The following MTMR8 variants were observed in gnomAD, a reference collection of about 807,000 sequenced individuals.
The protein encoded by MTMR8 is phosphatidylinositol-3,5-bisphosphate 3-phosphatase MTMR8.
In MTMR8, 65 loss-of-function variants were observed where a neutral mutation model predicts 39.3. The observed-to-expected ratio is 1.65, with a 90% CI of 1.35 to 2.03. The LOEUF (loss-of-function observed/expected upper bound fraction) is 2.03. MTMR8 is among the 30% of genes most tolerant of loss of function. The probability of loss-of-function intolerance (pLI) is 0.00; values close to 1 mark genes in which losing one functional copy is unlikely to be tolerated. For missense variants in MTMR8, 777 were observed against 538.9 expected (o/e 1.44, Z -4.37); for synonymous variants, 245 against 185.2 (o/e 1.32, Z -2.62).
chrX:64,356,087 C>G (rs181984370), intron 3 of MTMR8, 89 bp downstream of exon 3: 1 of 950,988 alleles, frequency 1.1e-6, no homozygotes, highest in African/African-American at 2.0e-5. Flanking sequence ...GATCCAAACC[C>G]TCCTCTGACT....
intron 8 of MTMR8, among the ~76,000 whole-genome samples, chrX:64,341,124 G>C (rs1923203403): frequency 8.9e-6 from 1 of 112,238 alleles, no homozygotes; most frequent in South Asian, 3.7e-4. Flanking sequence ...GAATGACGTA[G>C]TACTGACTGA....
chrX:64,364,842 G>T (rs180820825), intron 1 of MTMR8, among the ~76,000 whole-genome samples: 2 of 111,339 alleles, frequency 1.8e-5, no homozygotes, highest in Non-Finnish European at 1.9e-5. Context: ...CGAACCCATC[G>T]CAAGAAAGCT....
chrX:64,274,390 T>C (rs954722058), intron 12 of MTMR8, among the ~76,000 whole-genome samples: 19 of 111,798 alleles, frequency 1.7e-4, no homozygotes, highest in African/African-American at 5.8e-4. Flanking sequence ...AAAAGGGAAA[T>C]TGGAAAGTAT....
intron 1 of MTMR8, chrX:64,360,259 C>T (rs1923744035): frequency 6.1e-6 from 1 of 163,492 alleles, no homozygotes; most frequent in Non-Finnish European, 1.2e-5. Context: ...ATATAGCCAT[C>T]ATAAATATAA....
rs386352332 is a variant in MTMR8 at position 64,271,062 on chromosome X, C to A, written c.1493G>T (p.Gly498Val). Residue 498 changes from glycine (G) to valine (V), a missense_variant, in exon 13 of 14, where the codon GGG becomes GTG. By Grantham distance (109) the Gly-to-Val change is moderately radical. Transcript: ENST00000374852. ...TVPYNIQFWC[G>V]MYNRFDKGLQ... ...CCCTTTGTCAAAGCGGTTATACATC[C>A]CACACCAGAACCTCAAATAGACAAA... The A allele has an allele frequency of 2.5e-6, 3 of 1,195,937 alleles. No homozygotes were observed. In the Admixed American group the frequency reaches 6.9e-5, roughly 28 times the overall value.
At chrX:64,365,563 G>A (rs1923924265) in intron 1 of MTMR8, among the ~76,000 whole-genome samples, 1 of 111,845 alleles carries the variant, frequency 8.9e-6, no homozygotes, top group Non-Finnish European at 1.9e-5. Flanking sequence ...CAAATGTTGA[G>A]AGATTTTGTC....
Position 64,351,546 on chromosome X carries a change from C to T in MTMR8, c.469-1476G>A, listed in dbSNP as rs574370611. ...AAGGGAGTTTATTAAGGAGAATTGACTCATACAATCAAAAGGTAAAGTCCC... is the reference window on the plus strand; with the variant it reads ...AAGGGAGTTTATTAAGGAGAATTGATTCATACAATCAAAAGGTAAAGTCCC... On this transcript the variant is annotated intron_variant, in intron 4 of 13. Transcript: ENST00000374852. 5.3e-4 allele frequency among the ~76,000 whole-genome samples: 59 copies of T among 110,895 alleles called. 1 individual carries two copies. The highest frequency in any genetic ancestry group is 9.3e-3 in the Middle Eastern group (2 of 216).
chrX:64,377,813 G>A (rs1427943399), intron 1 of MTMR8, among the ~76,000 whole-genome samples: 1 of 111,944 alleles, frequency 8.9e-6, no homozygotes, highest in Non-Finnish European at 1.9e-5. Flanking sequence ...ATATGGTCTG[G>A]CTCTATGTCC....
At chrX:64,356,101 T>A in intron 3 of MTMR8, 75 bp downstream of exon 3, 1 of 1,039,282 alleles carries the variant, frequency 9.6e-7, no homozygotes. Context: ...TCTGACTCCA[T>A]AGCCCTGATC....
chrX:64,285,074 A>G lies in MTMR8; in HGVS notation c.1482-14001T>C, dbSNP rs186780686. Among the ~76,000 whole-genome samples the G allele has an allele frequency of 2.7e-5, 3 of 111,738 alleles. No homozygotes were observed. In the Admixed American group the frequency reaches 2.9e-4, roughly 11 times the overall value. ...CCCATTAGTGTGCTGTATTCAGGAA[A>G]CCCATCTCACGTGCAGAGACACACT... On this transcript the variant is annotated intron_variant, in intron 12 of 13. Transcript: ENST00000374852.
intron 8 of MTMR8, among the ~76,000 whole-genome samples, 197 bp from the exon 9 acceptor site, chrX:64,337,590 C>T (rs894223161): frequency 9.0e-6 from 1 of 111,721 alleles, no homozygotes; most frequent in African/African-American, 3.3e-5. Flanking sequence ...GAGCTTACCA[C>T]ATAGGAAAAG....
intron 11 of MTMR8, among the ~76,000 whole-genome samples, chrX:64,330,978 G>A (rs1459812670): frequency 9.0e-6 from 1 of 111,619 alleles, no homozygotes; most frequent in Non-Finnish European, 1.9e-5. Flanking sequence ...GGTAGGAAGC[G>A]GGTGAGGGAT....
At chrX:64,373,120 T>C (rs1924172233) in intron 1 of MTMR8, among the ~76,000 whole-genome samples, 1 of 112,185 alleles carries the variant, frequency 8.9e-6, no homozygotes, top group Non-Finnish European at 1.9e-5. Flanking sequence ...ATTTCATATA[T>C]GTGGAAATTG....
chrX:64,393,215 G>T (rs187732674), intron 1 of MTMR8, among the ~76,000 whole-genome samples: 39 of 111,806 alleles, frequency 3.5e-4, no homozygotes, highest in African/African-American at 1.2e-3. Flanking sequence ...CACATCTATG[G>T]ATCTCAGTTT....
intron 2 of MTMR8, among the ~76,000 whole-genome samples, chrX:64,359,114 TACAA>T (rs1369918646): frequency 1.8e-5 from 2 of 111,225 alleles, no homozygotes; most frequent in Non-Finnish European, 3.8e-5. Flanking sequence ...TCAAGATGCT[TACAA>T]ACATAGTTCA....
intron 1 of MTMR8, among the ~76,000 whole-genome samples, chrX:64,361,174 G>T (rs189249059): frequency 1.1e-3 from 119 of 111,189 alleles, no homozygotes; most frequent in African/African-American, 3.6e-3. Flanking sequence ...TAAATATCAA[G>T]AAAAAAATAA....
intron 4 of MTMR8, among the ~76,000 whole-genome samples, chrX:64,352,326 C>T (rs1228236072): frequency 9.0e-6 from 1 of 111,508 alleles, no homozygotes; most frequent in Non-Finnish European, 1.9e-5. Flanking sequence ...GTCCCCTGAA[C>T]CTTTTCCCTT....
intron 12 of MTMR8, among the ~76,000 whole-genome samples, chrX:64,302,573 G>T (rs1364071416): frequency 8.9e-6 from 1 of 112,170 alleles, no homozygotes; most frequent in Non-Finnish European, 1.9e-5. Flanking sequence ...TTCCTATTCG[G>T]CCATCTTGGC....
chrX:64,297,602 A>T (rs1176152162), intron 12 of MTMR8, among the ~76,000 whole-genome samples: 1 of 90,144 alleles, frequency 1.1e-5, no homozygotes, highest in East Asian at 3.7e-4. Context: ...CCCATTTGTC[A>T]ATTTTGGCTT....
Sources: allele counts gnomAD v4.1 joint callset (sites outside exome capture counted in the v4.1 genomes callset), GRCh38; gene constraint gnomAD v4.1.1; transcripts MANE v1.5; gene names NCBI Gene and HGNC (gene_info 2026-07-23, HGNC 2026-07-21).